ZNF335: variants seen among roughly 807,000 people sequenced by gnomAD.
The protein encoded by ZNF335 is NRC-interacting factor 1.
In ZNF335, 84 loss-of-function variants were observed where a neutral mutation model predicts 145.6. The observed-to-expected ratio is 0.58, with a 90% CI of 0.48 to 0.69. The LOEUF (loss-of-function observed/expected upper bound fraction) is 0.69. ZNF335 is among the 30% of genes least tolerant of loss of function. The pLI is 0.00. For synonymous variants in ZNF335, 761 were observed against 717.0 expected, an observed-to-expected ratio of 1.06 and a Z score of -0.98; for missense variants, 1,865 against 1,809.7, an observed-to-expected ratio of 1.03 and a Z score of -0.55.
At chr20:45,950,956 G>C (rs976877044) in intron 20 of ZNF335, among the ~76,000 whole-genome samples, 1 of 151,964 alleles carries the variant, frequency 6.6e-6, no homozygotes, top group Non-Finnish European at 1.5e-5. Context: ...GCAATGGCGT[G>C]ATCTCGGCTC....
Position 45,949,353 on chromosome 20 carries a change from G to A in ZNF335, c.3799C>T (p.Pro1267Ser), listed in dbSNP as rs1451808084. 1.9e-6 allele frequency: 3 copies of A among 1,614,004 alleles called. No homozygotes were observed. Among genetic ancestry groups the A allele is most frequent in the Non-Finnish European group, 2.5e-6 (3 of 1,180,032 alleles). ...CCTACCTGGGACTCCTGAAGGAACGGGGCTCCTTGTTCATACTGGATGTGT... is the reference window on the plus strand; with the variant it reads ...CCTACCTGGGACTCCTGAAGGAACGAGGCTCCTTGTTCATACTGGATGTGT... ...ITHIQYEQGA[P>S]FLQESQIQYV... The change falls in exon 26 of 28, where the codon CCG becomes TCG. Residue 1267 changes from proline to serine, a missense_variant. Physicochemically the swap from Pro to Ser is moderately conservative, Grantham distance 74 (BLOSUM62 -1). Transcript: ENST00000322927.
chr20:45,959,619 C>T (rs2083795983), intron 14 of ZNF335, among the ~76,000 whole-genome samples, 186 bp from the exon 15 acceptor site: 1 of 152,208 alleles, frequency 6.6e-6, no homozygotes. Context: ...GGGCCGCCCT[C>T]TGCACTCAAG....
chr20:45,957,786 A>G (rs758318175), intron 16 of ZNF335, 49 bp downstream of exon 16: 7 of 1,609,550 alleles, frequency 4.3e-6, no homozygotes, highest in Non-Finnish European at 5.1e-6. Flanking sequence ...CCCCTGCCCA[A>G]CTCAGAGGTC....
chr20:45,967,711 C>A lies in ZNF335; in HGVS notation c.814+23G>T, dbSNP rs375143899. ...CCCACCCCTACCCATGCAGTCCAAG[C>A]AGGTAGGCTGCTACTGACGCACCTG... On this transcript the variant is annotated intron_variant, in intron 5 of 27. Transcript: ENST00000322927. 6 of 1,608,054 alleles carry A rather than the reference C, an allele frequency of 3.7e-6. No individual in the cohort carries two copies. The South Asian group carries it at 6.6e-5, about 18-fold the overall frequency.
In ZNF335 at chr20:45,950,529, T is replaced by G; in HGVS notation, c.3256A>C (p.Asn1086His). Residue 1086 changes from asparagine to histidine, a missense_variant, in exon 21 of 28, where the codon AAC becomes CAC. By Grantham distance (68) the Asn-to-His change is moderately conservative. Coordinates refer to ENST00000322927, the MANE Select transcript of ZNF335 (RefSeq NM_022095.4). The stretch of plus-strand genomic sequence containing the variant: ...ATGTGCCGACGCAGGTCCTTCTTGT[T>G]CTTGGAGGCAAAGCTGCACTGGCTA... ...QCSQCSFASKNKKDLRRHMLT... is the reference protein window; with the variant it reads ...QCSQCSFASKHKKDLRRHMLT... 2 of 1,614,176 alleles carry G rather than the reference T, an allele frequency of 1.2e-6. No homozygotes were observed. The highest frequency in any genetic ancestry group is 1.7e-6 in the Non-Finnish European group (2 of 1,180,036).
rs1271236363 is a variant in ZNF335 at position 45,971,207 on chromosome 20, T to A, written c.201+3A>T. 13 of 1,536,052 alleles carry A rather than the reference T, an allele frequency of 8.5e-6. No individual in the cohort carries two copies. Among genetic ancestry groups the A allele is most frequent in the Non-Finnish European group, 1.1e-5 (13 of 1,143,428 alleles). ...CACCCACGCCGTCCAGCCGGGTCCATACCTGAGAACGGCTGCCGCGGTCCG... is the reference window on the plus strand; with the variant it reads ...CACCCACGCCGTCCAGCCGGGTCCAAACCTGAGAACGGCTGCCGCGGTCCG... On this transcript the variant is annotated splice_donor_region_variant and intron_variant, in intron 2 of 27. Coordinates refer to ENST00000322927, the MANE Select transcript of ZNF335 (RefSeq NM_022095.4).
In ZNF335 at chr20:45,967,872, C is replaced by T. The variant is rs1180782230; in HGVS notation, c.676G>A (p.Glu226Lys). ...TCCAGGCTCTGCAGGTCCGGCTCTT[C>T]GGCACCGGAGGCTGGGGGCAGCTGC... Reference protein sequence around the residue: ...PVQLPPASGAEEPDLQSLEAM... With the variant: ...PVQLPPASGAKEPDLQSLEAM... Residue 226 changes from glutamate (E) to lysine (K), a missense_variant, in exon 5 of 28, where the codon GAA (glutamate) becomes AAA (lysine). Coordinates refer to ENST00000322927, the MANE Select transcript of ZNF335 (RefSeq NM_022095.4). 9.3e-6 allele frequency: 15 copies of T among 1,612,786 alleles called. No individual in the cohort carries two copies. Among genetic ancestry groups the T allele is most frequent in the South Asian group, 5.5e-5 (5 of 91,070 alleles).
chr20:45,955,559 C>G (rs1296125773), intron 17 of ZNF335, among the ~76,000 whole-genome samples: 1 of 151,966 alleles, frequency 6.6e-6, no homozygotes, highest in Non-Finnish European at 1.5e-5. Flanking sequence ...TGGCTCACAC[C>G]TGTAATCCTG....
intron 20 of ZNF335, among the ~76,000 whole-genome samples, chr20:45,950,834 C>T (rs1240441789): frequency 6.6e-6 from 1 of 152,170 alleles, no homozygotes; most frequent in Non-Finnish European, 1.5e-5. Flanking sequence ...GAAAATCTCA[C>T]TTTACCCATA....
Position 45,948,962 on chromosome 20 carries a change from G to C in ZNF335, c.4020C>G (p.Ala1340=), listed in dbSNP as rs781092251. Residue 1340 remains alanine, a synonymous_variant, in exon 28 of 28, where the codon GCC becomes GCG. Transcript: ENST00000322927. ...QGIEYDVITL[A]DD ...GTTGGGCCCTCGGGGCTCAGTCATC[G>C]GCCAGGGTGATGACGTCGTACTCGA... The C allele has an allele frequency of 6.2e-6, 10 of 1,613,756 alleles. No individual in the cohort carries two copies. The highest frequency in any genetic ancestry group is 6.8e-6 in the Non-Finnish European group (8 of 1,180,044).
chr20:45,956,394 A>C (rs2083729502), intron 17 of ZNF335, among the ~76,000 whole-genome samples: 1 of 151,694 alleles, frequency 6.6e-6, no homozygotes. Flanking sequence ...ACGCCCAGCT[A>C]ATTTTGTATT....
At chr20:45,956,415 A>G (rs149487415) in intron 17 of ZNF335, among the ~76,000 whole-genome samples, 5,697 of 152,082 alleles carry the variant, frequency 0.037, 147 homozygotes, top group Non-Finnish European at 0.059. Context: ...TTTAGTAGCA[A>G]TGGGGTTTCT....
Position 45,963,632 on chromosome 20 carries a change from G to A in ZNF335, c.1374C>T (p.Pro458=), listed in dbSNP as rs2083892023. The A allele has an allele frequency of 6.2e-7, 1 of 1,614,204 alleles. No individual in the cohort carries two copies. Residue 458 remains proline, a synonymous_variant, in exon 9 of 28, where the codon CCC becomes CCT. Coordinates refer to ENST00000322927, the MANE Select transcript of ZNF335 (RefSeq NM_022095.4). ...KKYRKYYYKS[P]KPLLRPFLCR... ...ACAGGAAGGGCCTCAAAAGTGGTTTGGGCGACTTGTAATAGTACCTGCAGG... is the reference window on the plus strand; with the variant it reads ...ACAGGAAGGGCCTCAAAAGTGGTTTAGGCGACTTGTAATAGTACCTGCAGG...
intron 10 of ZNF335, 36 bp from the exon 11 acceptor site, chr20:45,960,918 T>G: frequency 1.2e-6 from 2 of 1,611,936 alleles, no homozygotes; most frequent in Non-Finnish European, 1.7e-6. Flanking sequence ...GACCAGAGCT[T>G]CCCCAAGCCC....
intron 6 of ZNF335, among the ~76,000 whole-genome samples, chr20:45,966,608 T>C (rs1186551076): frequency 6.6e-6 from 1 of 151,012 alleles, no homozygotes; most frequent in Non-Finnish European, 1.5e-5. Context: ...TGGAGTACAG[T>C]GGCATGATCT....
In ZNF335 at chr20:45,950,253, C is replaced by G; in HGVS notation, c.3453G>C (p.Leu1151=). Residue 1151 remains leucine (L), a synonymous_variant, in exon 22 of 28, where the codon CTG becomes CTC. Transcript: ENST00000322927. Reference sequence around the variant, plus strand: ...TGGCCAGTGTTTCGTCATCACTGTTCAGGATGATGGTCTGGGTTGGGGTCT... The same window carrying G: ...TGGCCAGTGTTTCGTCATCACTGTTGAGGATGATGGTCTGGGTTGGGGTCT... The part of the protein sequence containing the change: ...PTQTPTQTII[L]NSDDETLATL... 5 of 1,550,594 alleles carry G rather than the reference C, an allele frequency of 3.2e-6. No individual in the cohort carries two copies. Among genetic ancestry groups the G allele is most frequent in the Non-Finnish European group, 3.5e-6 (4 of 1,148,152 alleles).
chr20:45,957,196 TAGG>T (rs1278813862), intron 17 of ZNF335, among the ~76,000 whole-genome samples: 2 of 152,142 alleles, frequency 1.3e-5, no homozygotes, highest in African/African-American at 2.4e-5. Context: ...CTGCAGGCTG[TAGG>T]AGGTGTCCCG....
At chr20:45,952,076 A>G in intron 20 of ZNF335, 71 bp downstream of exon 20, 1 of 1,519,640 alleles carries the variant, frequency 6.6e-7, no homozygotes, top group Non-Finnish European at 8.8e-7. Flanking sequence ...AAGGGCACTC[A>G]TTAAAGGTTT....
intron 24 of ZNF335, 74 bp downstream of exon 24, chr20:45,949,726 A>C: frequency 6.4e-7 from 1 of 1,562,090 alleles, no homozygotes; most frequent in Non-Finnish European, 8.8e-7. Context: ...GGAAAGTATC[A>C]TTCCTCCCCA....
Sources: allele counts gnomAD v4.1 joint callset (sites outside exome capture counted in the v4.1 genomes callset), GRCh38; gene constraint gnomAD v4.1.1; transcripts MANE v1.5; gene names NCBI Gene and HGNC (gene_info 2026-07-23, HGNC 2026-07-21).